The following RSRP1 variants were observed in gnomAD, a reference collection of about 807,000 sequenced individuals.
The protein encoded by RSRP1 is arginine and serine rich protein 1, also known as arginine/serine-rich protein 1.
A neutral mutation model predicts 33.0 loss-of-function variants in RSRP1; 37 were observed. The observed-to-expected ratio is 1.12, with a 90% CI of 0.86 to 1.48. The LOEUF is 1.48. RSRP1 is among the 40% of genes most tolerant of loss of function. The pLI, the probability that RSRP1 is intolerant of heterozygous loss-of-function variation, is 0.00. For synonymous variants in RSRP1, 167 were observed against 158.7 expected (o/e 1.05, Z -0.40); for missense variants, 402 against 385.3 (o/e 1.04, Z -0.36).
chr1:25,305,635 C>G (rs1343487982), intron 1 of RSRP1, among the ~76,000 whole-genome samples: 2 of 127,356 alleles, frequency 1.6e-5, no homozygotes, highest in Non-Finnish European at 3.7e-5. Context: ...GTGTCTCGCT[C>G]TTTTGCCCAG....
At chr1:25,255,176 A>C (rs1639908953) in intron 1 of RSRP1, among the ~76,000 whole-genome samples, 1 of 152,186 alleles carries the variant, frequency 6.6e-6, no homozygotes, top group Non-Finnish European at 1.5e-5. Context: ...GGAGAATGTC[A>C]ACTGGGTCCA....
rs1178401177 is a variant in RSRP1, at chr1:25,334,231, T to C, written c.-67+3747A>G. Among the ~76,000 whole-genome samples the C allele has an allele frequency of 2.3e-5, 3 of 130,300 alleles. 1 individual carries two copies. The highest frequency in any genetic ancestry group is 5.4e-5 in the Non-Finnish European group (3 of 55,142). The allele number at this position is 130,300 out of a possible 152,430, so 85.5% of individuals were successfully genotyped here. On this transcript the variant is annotated intron_variant, in intron 1 of 1. Transcript: ENST00000561867. Reference sequence around the variant, plus strand: ...AGCCATTCCAAATGGGATAAATTGGTCAAAACAAAGAGGCTACAGGCCCAT... The same window carrying C: ...AGCCATTCCAAATGGGATAAATTGGCCAAAACAAAGAGGCTACAGGCCCAT...
Position 25,309,815 on chromosome 1 carries a change from G to A in RSRP1, c.-67+28163C>T, listed in dbSNP as rs575902014. Among the ~76,000 whole-genome samples, 179 of 132,750 alleles carry A rather than the reference G, an allele frequency of 1.3e-3. 15 individuals are homozygous for A. The highest frequency in any genetic ancestry group is 4.3e-3 in the African/African-American group (166 of 38,720). The allele number at this position is 132,750 out of a possible 152,430, so 87.1% of individuals were successfully genotyped here. A position where few individuals can be genotyped will look rare whatever the true frequency, so the allele number is the denominator to read the frequency against. The stretch of plus-strand genomic sequence containing the variant: ...CAGGGCTGCTGTGAGGACATGTGTT[G>A]AGCTGAGGGTCTCGCCAGGGGAGAC... On this transcript the variant is annotated intron_variant, in intron 1 of 1. Transcript: ENST00000561867.
chr1:25,281,814 A>G lies in RSRP1; in HGVS notation c.-66-34785T>C, dbSNP rs191640036. Among the ~76,000 whole-genome samples the G allele has an allele frequency of 9.1e-5, 12 of 132,330 alleles. 2 individuals are homozygous for G. Among genetic ancestry groups the G allele is most frequent in the African/African-American group, 2.6e-4 (10 of 38,790 alleles). 86.8% of individuals were successfully genotyped at this position (132,330 alleles called of 152,430 possible). A position where few individuals can be genotyped will look rare whatever the true frequency, so the allele number is the denominator to read the frequency against. On this transcript the variant is annotated intron_variant, in intron 1 of 1. Coordinates refer to the RSRP1 transcript ENST00000561867. ...ATGGAGGTCCTTGGGGGCCTCCTATATCCTGGTGGTGTCAGGTTGATTTGG... is the reference window on the plus strand; with the variant it reads ...ATGGAGGTCCTTGGGGGCCTCCTATGTCCTGGTGGTGTCAGGTTGATTTGG...
At position 25,321,796 on chromosome 1, in the gene RSRP1, T is replaced by C. The variant is rs56332083; in HGVS notation, c.-67+16182A>G. 27 of 661,208 alleles carry C rather than the reference T, an allele frequency of 4.1e-5. 3 individuals carry two copies. Among genetic ancestry groups the C allele is most frequent in the East Asian group, 2.5e-4 (10 of 39,478 alleles). 41.0% of individuals were successfully genotyped at this position (661,208 alleles called of 1,614,324 possible). A position where few individuals can be genotyped will look rare whatever the true frequency, so the allele number is the denominator to read the frequency against. On this transcript the variant is annotated intron_variant, in intron 1 of 1. Coordinates refer to the RSRP1 transcript ENST00000561867. ...GGGAGAAAAAGGATTTCTGTTGAGA[T>C]ACTGTCGTTTTGACACACAATATTT...
At chr1:25,245,462 G>A (rs962820115) in intron 2 of RSRP1, among the ~76,000 whole-genome samples, 161 bp from the exon 3 acceptor site, 1 of 152,170 alleles carries the variant, frequency 6.6e-6, no homozygotes, top group Admixed American at 6.6e-5. Flanking sequence ...AACACTAGTA[G>A]CTGCGCTGGT....
At chr1:25,250,416 G>A (rs1386758293), upstream of RSRP1, among the ~76,000 whole-genome samples, 1 of 152,182 alleles carries the variant, frequency 6.6e-6, no homozygotes, top group African/African-American at 2.4e-5. Flanking sequence ...CTAGGAGAGA[G>A]TCACTCAGGT....
chr1:25,254,155 C>A (rs1039820150), intron 1 of RSRP1, among the ~76,000 whole-genome samples: 3 of 152,178 alleles, frequency 2.0e-5, no homozygotes, highest in African/African-American at 7.2e-5. Flanking sequence ...GGTGAACCAT[C>A]ACCCCATAGG....
In RSRP1 at chr1:25,275,898, C is replaced by T. The variant is rs1199918930; in HGVS notation, c.-66-28869G>A. Among the ~76,000 whole-genome samples the T allele has an allele frequency of 2.3e-5, 3 of 132,124 alleles. No individual in the cohort carries two copies. In the South Asian group the frequency reaches 6.9e-4, roughly 31 times the overall value. 86.7% of individuals were successfully genotyped at this position (132,124 alleles called of 152,430 possible). ...GGAGAAGTTTCACTCTGCCTTTTCC[C>T]TTTTGTTCACTTGACTGCCATTATT... On this transcript the variant is annotated intron_variant, in intron 1 of 1. Coordinates refer to the RSRP1 transcript ENST00000561867.
chr1:25,301,636 A>C, intron 1 of RSRP1: 1 of 1,380,488 alleles, frequency 7.2e-7, no homozygotes, highest in East Asian at 2.2e-5. Context: ...CAGCGTGGTG[A>C]CAGCCATCTC....
chr1:25,300,372 C>A (rs1229709021), intron 1 of RSRP1, among the ~76,000 whole-genome samples: 1 of 130,258 alleles, frequency 7.7e-6, no homozygotes, highest in Non-Finnish European at 1.8e-5. Context: ...ATTGGCCAGG[C>A]ATGGTTGTAC....
chr1:25,258,237 G>C (rs1306346846), intron 1 of RSRP1, among the ~76,000 whole-genome samples: 1 of 152,188 alleles, frequency 6.6e-6, no homozygotes, highest in African/African-American at 2.4e-5. Context: ...CTGGAGTGCA[G>C]TGGCACAATC....
intron 2 of RSRP1, 92 bp from the exon 3 acceptor site, chr1:25,245,393 T>G: frequency 7.0e-7 from 1 of 1,430,476 alleles, no homozygotes; most frequent in Non-Finnish European, 9.3e-7. Context: ...TATGTTATTT[T>G]GTGGTATTAA....
At chr1:25,243,451 C>T (rs1639057012) in intron 4 of RSRP1, 99 bp downstream of exon 4, 8 of 1,419,730 alleles carry the variant, frequency 5.6e-6, no homozygotes, top group Non-Finnish European at 7.7e-6. Flanking sequence ...AAAAGTGTGT[C>T]AGTAGGCCCC....
chr1:25,263,243 G>A (rs1197473418), intron 1 of RSRP1, among the ~76,000 whole-genome samples: 4 of 149,950 alleles, frequency 2.7e-5, no homozygotes, highest in African/African-American at 2.5e-5. Context: ...TCTAACTCCT[G>A]AGGAGGTGGC....
chr1:25,276,804 C>T lies in RSRP1; in HGVS notation c.-66-29775G>A, dbSNP rs563118768. Among the ~76,000 whole-genome samples the T allele has an allele frequency of 2.9e-3, 384 of 132,618 alleles. 70 individuals carry two copies. Among genetic ancestry groups the T allele is most frequent in the African/African-American group, 4.4e-3 (172 of 38,956 alleles). 87.0% of individuals were successfully genotyped at this position (132,618 alleles called of 152,430 possible). On this transcript the variant is annotated intron_variant, in intron 1 of 1. Transcript: ENST00000561867. ...CATAAAGGCTGGGTGTAGTGGCTCA[C>T]GCCTGTAATCCCAGCACTTTGGGAG...
chr1:25,285,401 T>G (rs1641890516), intron 1 of RSRP1, among the ~76,000 whole-genome samples: 1 of 134,956 alleles, frequency 7.4e-6, no homozygotes, highest in African/African-American at 2.6e-5. Context: ...CCCAAAGTGC[T>G]GGGATTACAG....
In RSRP1 at chr1:25,314,525, C is replaced by T. The variant is rs1465166888; in HGVS notation, c.-67+23453G>A. Among the ~76,000 whole-genome samples the T allele has an allele frequency of 1.5e-5, 2 of 132,280 alleles. 1 individual carries two copies. Among genetic ancestry groups the T allele is most frequent in the Non-Finnish European group, 3.6e-5 (2 of 55,810 alleles). 86.8% of individuals were successfully genotyped at this position (132,280 alleles called of 152,430 possible). A position where few individuals can be genotyped will look rare whatever the true frequency, so the allele number is the denominator to read the frequency against. ...TTCTTTCTTTTTGAAACAGAGTCTC[C>T]TTCTGTCACCCAGGCTGGAATGCAG... On this transcript the variant is annotated intron_variant, in intron 1 of 1. Transcript: ENST00000561867.
At chr1:25,275,582 CACTTTAAGTATT>C (rs1385314624) in intron 1 of RSRP1, among the ~76,000 whole-genome samples, 3 of 132,510 alleles carry the variant, frequency 2.3e-5, no homozygotes, top group East Asian at 2.0e-4. Flanking sequence ...TTATATATTA[CACTTTAAGTATT>C]ACTTTAAGTA....
Sources: gnomAD v4.1 joint callset for allele counts (sites outside exome capture counted in the v4.1 genomes callset) on GRCh38, gnomAD v4.1.1 for gene constraint, MANE v1.5 for transcripts, NCBI Gene and HGNC (gene_info 2026-07-23, HGNC 2026-07-21) for gene names.